The following PCDHA9 variants were observed in gnomAD, a reference collection of about 807,000 sequenced individuals.
PCDHA9 encodes the protein protocadherin alpha-9.
Under a neutral mutation model 62.0 loss-of-function variants are expected in PCDHA9, and 62 were observed. That is an observed-to-expected ratio of 1.00 (90% CI 0.81 to 1.23). The LOEUF is 1.23. Among genes scored for constraint, PCDHA9 ranks in the 50% most tolerant of loss-of-function variants. The pLI is 0.00. For missense variants in PCDHA9, 1,205 were observed against 1,249.8 expected (o/e 0.96, Z 0.54); for synonymous variants, 557 against 567.6 (o/e 0.98, Z 0.27).
At chr5:140,925,072 G>A (rs921580794) in intron 1 of PCDHA9, among the ~76,000 whole-genome samples, 10 of 149,184 alleles carry the variant, frequency 6.7e-5, no homozygotes, top group Admixed American at 2.0e-4. Flanking sequence ...AAAGCAACAC[G>A]CTCATCTGGA....
intron 1 of PCDHA9, chr5:140,929,120 A>G (rs781922658): frequency 6.2e-7 from 1 of 1,614,062 alleles, no homozygotes; most frequent in East Asian, 2.2e-5. Flanking sequence ...GCCACCATAG[A>G]TGTCACTACA....
intron 1 of PCDHA9, among the ~76,000 whole-genome samples, chr5:140,917,662 C>T (rs1554198266): frequency 6.6e-6 from 1 of 152,118 alleles, no homozygotes; most frequent in Admixed American, 6.6e-5. Flanking sequence ...AGTAGGAAGT[C>T]CTTTCTCCAT....
At chr5:140,867,525 TA>T (rs2050008799) in intron 1 of PCDHA9, 4 of 152,102 alleles carry the variant, frequency 2.6e-5, no homozygotes, top group Admixed American at 2.6e-4. Context: ...AATAGTTGAA[TA>T]TATATATAAA....
At chr5:140,938,876 A>AAC (rs142461507) in intron 1 of PCDHA9, among the ~76,000 whole-genome samples, 11 of 151,144 alleles carry the variant, frequency 7.3e-5, no homozygotes, top group South Asian at 2.1e-4. Context: ...GTTAAGAAGC[A>AAC]ACACACACAC....
intron 3 of PCDHA9, among the ~76,000 whole-genome samples, chr5:140,993,156 A>G (rs2097543367): frequency 6.6e-6 from 1 of 152,188 alleles, no homozygotes; most frequent in Admixed American, 6.5e-5. Context: ...TGGATTCTAA[A>G]TATTTGCCTT....
At chr5:140,953,126 C>T (rs1284922743) in intron 1 of PCDHA9, among the ~76,000 whole-genome samples, 2 of 152,096 alleles carry the variant, frequency 1.3e-5, no homozygotes, top group African/African-American at 2.4e-5. Flanking sequence ...AGATCTAAAC[C>T]GTATCACTGT....
chr5:141,011,626 C>T lies in PCDHA9; in HGVS notation c.*1689C>T, dbSNP rs1340546254. 6.5e-6 allele frequency: 1 copy of T among 153,668 alleles called. No individual in the cohort carries two copies. Among genetic ancestry groups the T allele is most frequent in the Non-Finnish European group, 1.5e-5 (1 of 68,026 alleles). The allele number at this position is 153,668 out of a possible 1,614,324, so 9.5% of individuals were successfully genotyped here. On this transcript the variant is annotated 3_prime_UTR_variant, in exon 4 of 4. Transcript: ENST00000532602. Reference sequence around the variant, plus strand: ...ATTTTATTTATGGTCCAGCCAAGAGCCATCTCGTGCCAAGACTTCTGCTGG... The same window carrying T: ...ATTTTATTTATGGTCCAGCCAAGAGTCATCTCGTGCCAAGACTTCTGCTGG...
At chr5:140,855,644 T>C (rs1324111294) in intron 1 of PCDHA9, among the ~76,000 whole-genome samples, 7 of 149,848 alleles carry the variant, frequency 4.7e-5, no homozygotes, top group African/African-American at 1.7e-4. Flanking sequence ...TTGATAATCA[T>C]GTGGTTAGGG....
intron 1 of PCDHA9, among the ~76,000 whole-genome samples, chr5:140,921,194 A>T (rs187774850): frequency 1.3e-5 from 2 of 152,046 alleles, no homozygotes; most frequent in Admixed American, 1.3e-4. Context: ...TTCACAATAG[A>T]TTGACAACGA....
rs564683374 is a variant in PCDHA9 at position 140,850,519 on chromosome 5, C to A, written c.2024C>A (p.Ala675Glu). 1.1e-5 allele frequency: 17 copies of A among 1,598,126 alleles called. 1 individual carries two copies. Among genetic ancestry groups the A allele is most frequent in the Admixed American group, 1.7e-5 (1 of 59,294 alleles). Residue 675 changes from alanine (A) to glutamate (E), a missense_variant, in exon 1 of 4, where the codon GCG (alanine) becomes GAG (glutamate). Around this residue, in one of 3 missense-constraint regions of PCDHA9, gnomAD observed 887 missense variants for 809.5 expected, o/e 1.10. Coordinates refer to ENST00000532602, the MANE Select transcript of PCDHA9 (RefSeq NM_031857.2). ...GTGTCGCTGGTGGAGAGCGGCCAGG[C>A]GCCAAAGTCATCGTCGCGGGCGTCA... The part of the protein sequence containing the change: ...VLVSLVESGQ[A>E]PKSSSRASVG...
chr5:140,941,210 T>TTC (rs2092846943), intron 1 of PCDHA9, among the ~76,000 whole-genome samples: 12 of 100,630 alleles, frequency 1.2e-4, no homozygotes, highest in Admixed American at 4.7e-4. Context: ...TTCCTTTCTT[T>TTC]CTTCCTTTCT....
At chr5:140,965,318 C>T (rs1397101710) in intron 1 of PCDHA9, among the ~76,000 whole-genome samples, 1 of 152,104 alleles carries the variant, frequency 6.6e-6, no homozygotes, top group Non-Finnish European at 1.5e-5. Flanking sequence ...TTCTCTTTTA[C>T]TGAAGTGAAT....
chr5:140,883,336 A>G, intron 1 of PCDHA9: 1 of 1,613,866 alleles, frequency 6.2e-7, no homozygotes, highest in Non-Finnish European at 8.5e-7. Flanking sequence ...CTTCTTTGTC[A>G]CTCCCCATCA....
intron 1 of PCDHA9, chr5:140,883,942 G>A (rs1223058684): frequency 1.9e-6 from 3 of 1,613,328 alleles, no homozygotes; most frequent in African/African-American, 2.7e-5. Context: ...TGCTGGACGA[G>A]AACGACAACG....
At chr5:140,877,192 G>A in intron 1 of PCDHA9, 2 of 1,613,846 alleles carry the variant, frequency 1.2e-6, no homozygotes, top group Non-Finnish European at 1.7e-6. Flanking sequence ...TGGCAGCGCA[G>A]GAGGCGCAGT....
At chr5:140,930,184 G>A (rs2153603505) in intron 1 of PCDHA9, 1 of 152,258 alleles carries the variant, frequency 6.6e-6, no homozygotes, top group South Asian at 2.1e-4. Context: ...GGAAAGATGA[G>A]TAATTTTTAT....
Position 140,877,016 on chromosome 5 carries a change from G to T in PCDHA9, c.2394+26127G>T, listed in dbSNP as rs781790454. The T allele has an allele frequency of 4.7e-5, 76 of 1,612,480 alleles. No individual in the cohort carries two copies. The highest frequency in any genetic ancestry group is 4.0e-4 in the Middle Eastern group (2 of 5,052). The stretch of plus-strand genomic sequence containing the variant: ...TACGTGTCGGTGCACGCGGAGAGCG[G>T]CAAGGTGTACGCGCTGCAGCCGCTA... On this transcript the variant is annotated intron_variant, in intron 1 of 3. Coordinates refer to ENST00000532602, the MANE Select transcript of PCDHA9 (RefSeq NM_031857.2).
intron 3 of PCDHA9, among the ~76,000 whole-genome samples, chr5:140,998,767 T>C (rs367972918): frequency 5.3e-5 from 8 of 152,312 alleles, no homozygotes; most frequent in African/African-American, 1.9e-4. Flanking sequence ...TTTCACTATG[T>C]TGGTCAGGCT....
chr5:140,849,627 G>C lies in PCDHA9; in HGVS notation c.1132G>C (p.Asp378His). 1 of 1,598,784 alleles carries C rather than the reference G, an allele frequency of 6.3e-7. No individual in the cohort carries two copies. Among genetic ancestry groups the C allele is most frequent in the Non-Finnish European group, 8.6e-7 (1 of 1,168,000 alleles). Reference protein sequence around the residue: ...VIALISVIDLDADANGQVTCS... With the variant: ...VIALISVIDLHADANGQVTCS... ...TGCCCTGATTAGTGTGATCGACCTAGACGCAGATGCCAACGGGCAGGTTAC... is the reference window on the plus strand; with the variant it reads ...TGCCCTGATTAGTGTGATCGACCTACACGCAGATGCCAACGGGCAGGTTAC... Residue 378 changes from aspartate (D) to histidine (H), a missense_variant, in exon 1 of 4, where the codon GAC (aspartate) becomes CAC (histidine). Asp to His is a moderately conservative substitution (Grantham distance 81). This residue lies in a region of PCDHA9 where 887 missense variants were observed against 809.5 expected (regional missense o/e 1.10). Transcript: ENST00000532602.
Sources: allele counts gnomAD v4.1 joint callset (sites outside exome capture counted in the v4.1 genomes callset), GRCh38; gene constraint gnomAD v4.1.1; regional missense constraint gnomAD v4.1.1; transcripts MANE v1.5; gene names NCBI Gene and HGNC (gene_info 2026-07-23, HGNC 2026-07-21).